ELOVL6: variants seen among roughly 807,000 people sequenced by gnomAD.
ELOVL6 encodes the protein ELOVL fatty acid elongase 6, also known as very long chain fatty acid elongase 6.
ELOVL6 carries 8 observed loss-of-function variants against 31.7 expected under a neutral mutation model. The observed-to-expected ratio is 0.25, with a 90% confidence interval of 0.15 to 0.45. ELOVL6 has a LOEUF of 0.45. Among genes scored for constraint, ELOVL6 ranks in the 20% least tolerant of loss-of-function variants. ELOVL6 has a pLI of 1.00. For synonymous variants in ELOVL6, 101 were observed against 117.7 expected (o/e 0.86, Z 0.92); for missense variants, 126 against 326.4 (o/e 0.39, Z 4.73).
At chr4:110,198,124 G>C in intron 1 of ELOVL6, 123 bp downstream of exon 1, 1 of 649,872 alleles carries the variant, frequency 1.5e-6, no homozygotes, top group Admixed American at 1.9e-5. Context: ...AGAACTCAGC[G>C]ATCAGCTGGC....
intron 1 of ELOVL6, among the ~76,000 whole-genome samples, chr4:110,152,912 A>T (rs923087096): frequency 2.0e-5 from 3 of 152,204 alleles, no homozygotes; most frequent in African/African-American, 7.2e-5. Context: ...GCTTTTTCAA[A>T]TTAGCAAAGA....
intron 1 of ELOVL6, among the ~76,000 whole-genome samples, chr4:110,168,902 G>A (rs1484114725): frequency 1.3e-5 from 2 of 152,290 alleles, no homozygotes; most frequent in Non-Finnish European, 2.9e-5. Flanking sequence ...TAGTGGGTAC[G>A]TGGTAAGCTC....
intron 1 of ELOVL6, among the ~76,000 whole-genome samples, chr4:110,150,867 ACT>A (rs941717363): frequency 5.3e-5 from 8 of 152,018 alleles, no homozygotes; most frequent in African/African-American, 1.9e-4. Context: ...ACATGGTGAA[ACT>A]CTGTCTCTAC....
chr4:110,092,833 CA>C (rs1400399314), intron 2 of ELOVL6, among the ~76,000 whole-genome samples: 1 of 152,018 alleles, frequency 6.6e-6, no homozygotes, highest in East Asian at 1.9e-4. Context: ...GCACACATCC[CA>C]AACCCTGCCA....
intron 1 of ELOVL6, among the ~76,000 whole-genome samples, chr4:110,144,535 T>A (rs1758054369): frequency 6.6e-6 from 1 of 152,174 alleles, no homozygotes; most frequent in Non-Finnish European, 1.5e-5. Flanking sequence ...AGTAAGCTGA[T>A]GAGCCCATCA....
intron 1 of ELOVL6, 102 bp from the exon 2 acceptor site, chr4:110,105,730 G>A: frequency 2.8e-6 from 3 of 1,078,112 alleles, no homozygotes; most frequent in Non-Finnish European, 4.0e-6. Context: ...AAATATTCTT[G>A]AGAATATTCC....
intron 1 of ELOVL6, among the ~76,000 whole-genome samples, chr4:110,130,709 A>C (rs1016399308): frequency 4.6e-5 from 7 of 152,338 alleles, no homozygotes; most frequent in Non-Finnish European, 8.8e-5. Context: ...GTTCCCTTTA[A>C]GCAAAACATA....
intron 2 of ELOVL6, among the ~76,000 whole-genome samples, chr4:110,071,228 T>C (rs924906407): frequency 6.6e-6 from 1 of 152,226 alleles, no homozygotes; most frequent in Non-Finnish European, 1.5e-5. Context: ...ATCCATTCCA[T>C]CTTTACAATC....
rs376811801 is a variant in ELOVL6 at position 110,141,063 on chromosome 4, G to GT, written c.90-35436dup. Among the ~76,000 whole-genome samples, 437 of 151,728 alleles carry GT rather than the reference G, an allele frequency of 2.9e-3. 1 individual carries two copies. The highest frequency in any genetic ancestry group is 9.8e-3 in the African/African-American group (405 of 41,340). The stretch of plus-strand genomic sequence containing the variant: ...TTGTTCTGATTCAAGTATTGAATTG[G>GT]TTTTTTTTGTTTTTTTTGAGATGGA... On this transcript the variant is annotated intron_variant, in intron 1 of 3. Transcript: ENST00000302274.
chr4:110,106,508 A>G (rs1481332090), intron 1 of ELOVL6, among the ~76,000 whole-genome samples: 3 of 152,070 alleles, frequency 2.0e-5, no homozygotes, highest in Admixed American at 6.6e-5. Flanking sequence ...TTTAGACTGT[A>G]TACTGTACCA....
At chr4:110,122,841 C>A (rs555862593) in intron 1 of ELOVL6, among the ~76,000 whole-genome samples, 3 of 152,196 alleles carry the variant, frequency 2.0e-5, no homozygotes, top group African/African-American at 7.2e-5. Flanking sequence ...GTTCTCAGTA[C>A]GTTGAATGCC....
In ELOVL6 at chr4:110,065,162, A is replaced by G. The variant is rs572768250; in HGVS notation, c.222-5408T>C. Among the ~76,000 whole-genome samples, 4 of 152,354 alleles carry G rather than the reference A, an allele frequency of 2.6e-5. No individual in the cohort carries two copies. In the South Asian group the frequency reaches 8.3e-4, roughly 32 times the overall value. On this transcript the variant is annotated intron_variant, in intron 2 of 3. Coordinates refer to ENST00000302274, the MANE Select transcript of ELOVL6 (RefSeq NM_024090.3). The stretch of plus-strand genomic sequence containing the variant: ...AGAGCTGAAGGGTATGTATGTGTAT[A>G]TGGTTGGGAGTTTCCTTTGGATATT...
At chr4:110,121,707 A>AG (rs1266359590) in intron 1 of ELOVL6, among the ~76,000 whole-genome samples, 1 of 152,138 alleles carries the variant, frequency 6.6e-6, no homozygotes. Flanking sequence ...TCAAAAAAAA[A>AG]GTAGTAGTTT....
chr4:110,159,566 G>C (rs1274931982), intron 1 of ELOVL6, among the ~76,000 whole-genome samples: 2 of 151,814 alleles, frequency 1.3e-5, no homozygotes, highest in East Asian at 3.9e-4. Context: ...AGATTTTTAT[G>C]CATATTCACG....
intron 1 of ELOVL6, among the ~76,000 whole-genome samples, chr4:110,120,014 AG>A (rs1196318454): frequency 1.3e-5 from 2 of 152,220 alleles, no homozygotes; most frequent in Non-Finnish European, 2.9e-5. Flanking sequence ...GAGTTTCAAA[AG>A]GAAGGAAAAA....
At chr4:110,085,422 T>C (rs1355665110) in intron 2 of ELOVL6, among the ~76,000 whole-genome samples, 1 of 152,126 alleles carries the variant, frequency 6.6e-6, no homozygotes, top group Non-Finnish European at 1.5e-5. Context: ...TGGTGAAAGG[T>C]CAGAGGCACA....
chr4:110,099,106 T>C (rs1406167335), intron 2 of ELOVL6, among the ~76,000 whole-genome samples: 1 of 152,192 alleles, frequency 6.6e-6, no homozygotes, highest in Admixed American at 6.5e-5. Flanking sequence ...TTGAACAGCT[T>C]CAGTTAGTTT....
intron 2 of ELOVL6, among the ~76,000 whole-genome samples, chr4:110,097,595 G>A (rs991515159): frequency 2.6e-5 from 4 of 151,984 alleles, no homozygotes; most frequent in African/African-American, 9.7e-5. Flanking sequence ...ATATGTTTTG[G>A]TGTCATTTTG....
chr4:110,076,593 C>G (rs1755638300), intron 2 of ELOVL6, among the ~76,000 whole-genome samples: 1 of 152,188 alleles, frequency 6.6e-6, no homozygotes, highest in South Asian at 2.1e-4. Flanking sequence ...AGGATAAAGT[C>G]ACCTAGCGAG....
Sources: allele counts gnomAD v4.1 joint callset (sites outside exome capture counted in the v4.1 genomes callset), GRCh38; gene constraint gnomAD v4.1.1; transcripts MANE v1.5; gene names NCBI Gene and HGNC (gene_info 2026-07-23, HGNC 2026-07-21).